The following ADCYAP1R1 variants were observed in gnomAD, a reference collection of about 807,000 sequenced individuals.
ADCYAP1R1 encodes ADCYAP receptor type I.
A neutral mutation model predicts 67.6 loss-of-function variants in ADCYAP1R1; 44 were observed. That is an observed-to-expected ratio of 0.65 (90% CI 0.51 to 0.84). ADCYAP1R1 has a LOEUF of 0.84. ADCYAP1R1 is among the 40% of genes least tolerant of loss of function. ADCYAP1R1 has a pLI of 0.00. For missense variants in ADCYAP1R1, 477 were observed against 587.9 expected (o/e 0.81, Z 1.95); for synonymous variants, 222 against 219.6 (o/e 1.01, Z -0.10).
Position 31,106,460 on chromosome 7 carries a change from C to T in ADCYAP1R1, c.1219-36C>T, listed in dbSNP as rs778384849. On this transcript the variant is annotated intron_variant, in intron 15 of 15. Coordinates refer to ENST00000304166, the MANE Select transcript of ADCYAP1R1 (RefSeq NM_001118.5). ...AGGGCCTGGAGGCTGCAGAGGATGT[C>T]CATCTGGAAGTGACCGCCCAGTTTG... The T allele has an allele frequency of 2.6e-6, 4 of 1,568,228 alleles. No individual in the cohort carries two copies. The South Asian group carries it at 4.9e-5, about 19-fold the overall frequency.
rs1275663866 is a variant in ADCYAP1R1, at chr7:31,081,187, G to A, written c.287-526G>A. Among the ~76,000 whole-genome samples the A allele has an allele frequency of 3.9e-5, 6 of 152,208 alleles. No individual in the cohort carries two copies. In the East Asian group the frequency reaches 9.7e-4, roughly 25 times the overall value. On this transcript the variant is annotated intron_variant, in intron 5 of 15. Transcript: ENST00000304166. ...AATGGGGTCTCATTGCTAACAGGGG[G>A]TTTGGCATAAGAAAAGGGTGGAAAT... is the stretch of plus-strand genomic sequence containing the variant.
chr7:31,060,192 C>G (rs1794438630), intron 1 of ADCYAP1R1, among the ~76,000 whole-genome samples: 1 of 152,160 alleles, frequency 6.6e-6, no homozygotes, highest in Non-Finnish European at 1.5e-5. Context: ...CTTCCCACAG[C>G]AGGGGCGAGG....
intron 15 of ADCYAP1R1, among the ~76,000 whole-genome samples, chr7:31,105,776 G>A (rs1796617074): frequency 6.6e-6 from 1 of 152,248 alleles, no homozygotes. Flanking sequence ...AAGTGGGCAT[G>A]TATGTAGCTT....
At chr7:31,074,811 C>T (rs773806538) in intron 3 of ADCYAP1R1, among the ~76,000 whole-genome samples, 2 of 152,260 alleles carry the variant, frequency 1.3e-5, no homozygotes, top group Non-Finnish European at 2.9e-5. Context: ...TGATACCCAG[C>T]TCCCCTCATC....
intron 13 of ADCYAP1R1, chr7:31,095,882 C>T (rs552301651): frequency 2.1e-5 from 13 of 626,882 alleles, no homozygotes; most frequent in African/African-American, 7.3e-5. Context: ...CTGAGCCACT[C>T]GTCCTCTCTG....
rs1228606836 is a variant in ADCYAP1R1, at chr7:31,109,279, T to G, written c.*2595T>G. ...CTCAATGTTCCAAGAGGTTCTGGCCTTCAGGGTCACAGGCAGTAGGGGGAC... is the reference window on the plus strand; with the variant it reads ...CTCAATGTTCCAAGAGGTTCTGGCCGTCAGGGTCACAGGCAGTAGGGGGAC... On this transcript the variant is annotated 3_prime_UTR_variant, in exon 16 of 16. Transcript: ENST00000304166. 3 of 152,222 alleles carry G rather than the reference T, an allele frequency of 2.0e-5. No individual in the cohort carries two copies. Among genetic ancestry groups the G allele is most frequent in the African/African-American group, 7.2e-5 (3 of 41,442 alleles). 9.4% of individuals were successfully genotyped at this position (152,222 alleles called of 1,614,324 possible). A position where few individuals can be genotyped will look rare whatever the true frequency, so the allele number is the denominator to read the frequency against.
chr7:31,068,407 G>A (rs557852479), intron 3 of ADCYAP1R1, among the ~76,000 whole-genome samples: 1 of 152,288 alleles, frequency 6.6e-6, no homozygotes, highest in South Asian at 2.1e-4. Flanking sequence ...TGGTTCTGGA[G>A]TCCGTGCCTT....
intron 3 of ADCYAP1R1, among the ~76,000 whole-genome samples, chr7:31,077,496 G>C (rs1021064046): frequency 2.2e-5 from 3 of 133,778 alleles, no homozygotes; most frequent in Non-Finnish European, 4.8e-5. Context: ...TGTGTGTGTA[G>C]TGTATGTGGT....
At chr7:31,069,403 T>C (rs1436155638) in intron 3 of ADCYAP1R1, among the ~76,000 whole-genome samples, 1 of 152,236 alleles carries the variant, frequency 6.6e-6, no homozygotes, top group East Asian at 1.9e-4. Context: ...CTGATGTCCT[T>C]GAAACACACT....
At chr7:31,059,896 C>T (rs1030696252) in intron 1 of ADCYAP1R1, among the ~76,000 whole-genome samples, 1 of 150,032 alleles carries the variant, frequency 6.7e-6, no homozygotes, top group Non-Finnish European at 1.5e-5. Context: ...CTCTCCTCCT[C>T]TTTGCTGGCG....
At position 31,069,518 on chromosome 7, in the gene ADCYAP1R1, T is replaced by G. The variant is rs187437239; in HGVS notation, c.157+4582T>G. ...TACTTGTATATATTTTGTGTGTCTCTCATAATTTTTTAAATCTAGTAATAT... is the reference window on the plus strand; with the variant it reads ...TACTTGTATATATTTTGTGTGTCTCGCATAATTTTTTAAATCTAGTAATAT... On this transcript the variant is annotated intron_variant, in intron 3 of 15. Transcript: ENST00000304166. Among the ~76,000 whole-genome samples the G allele has an allele frequency of 2.2e-3, 333 of 152,338 alleles. 3 individuals carry two copies. Among genetic ancestry groups the G allele is most frequent in the Middle Eastern group, 6.8e-3 (2 of 294 alleles).
rs140247897 is a variant in ADCYAP1R1, at chr7:31,090,899, T to C, written c.955-1745T>C. On this transcript the variant is annotated intron_variant, in intron 12 of 15. Coordinates refer to ENST00000304166, the MANE Select transcript of ADCYAP1R1 (RefSeq NM_001118.5). Reference sequence around the variant, plus strand: ...GAACATACCAATGCGTGTGTCTTTTTTGTAGAATGATATATTTTCCTTTGG... The same window carrying C: ...GAACATACCAATGCGTGTGTCTTTTCTGTAGAATGATATATTTTCCTTTGG... Among the ~76,000 whole-genome samples, 660 of 152,340 alleles carry C rather than the reference T, an allele frequency of 4.3e-3. 9 individuals carry two copies. Among genetic ancestry groups the C allele is most frequent in the African/African-American group, 0.015 (611 of 41,554 alleles).
chr7:31,101,775 C>T (rs902327158), intron 13 of ADCYAP1R1, among the ~76,000 whole-genome samples: 1 of 152,310 alleles, frequency 6.6e-6, no homozygotes, highest in Non-Finnish European at 1.5e-5. Context: ...GAGGCACCAC[C>T]CCCACCTTCA....
chr7:31,104,764 G>A lies in ADCYAP1R1; in HGVS notation c.1177-104G>A, dbSNP rs573759946. On this transcript the variant is annotated intron_variant, in intron 14 of 15. Coordinates refer to ENST00000304166, the MANE Select transcript of ADCYAP1R1 (RefSeq NM_001118.5). The stretch of plus-strand genomic sequence containing the variant: ...TCCCTGGGCAGGTGCCCCCATCCAG[G>A]TCATGGTGTATTTCTGCTTCCTAGA... 4.0e-5 allele frequency: 53 copies of A among 1,318,016 alleles called. 1 individual carries two copies. The East Asian group carries it at 1.2e-3, about 29-fold the overall frequency. The allele number at this position is 1,318,016 out of a possible 1,614,324, so 81.6% of individuals were successfully genotyped here.
chr7:31,075,901 C>A (rs1023727394), intron 3 of ADCYAP1R1, among the ~76,000 whole-genome samples: 1 of 152,104 alleles, frequency 6.6e-6, no homozygotes, highest in Non-Finnish European at 1.5e-5. Context: ...CAAGGTAAAA[C>A]CAGCAAGGGC....
At chr7:31,100,626 C>T (rs548193814) in intron 13 of ADCYAP1R1, among the ~76,000 whole-genome samples, 7 of 152,310 alleles carry the variant, frequency 4.6e-5, no homozygotes, top group African/African-American at 1.7e-4. Context: ...GTCCACAGCA[C>T]TTTGTGTGTG....
intron 8 of ADCYAP1R1, 69 bp downstream of exon 8, chr7:31,084,903 C>A: frequency 1.5e-6 from 2 of 1,366,038 alleles, no homozygotes; most frequent in Non-Finnish European, 2.1e-6. Context: ...TGGTGCATCT[C>A]TCCCCTCCCC....
At chr7:31,088,091 T>C (rs1285882088) in intron 12 of ADCYAP1R1, among the ~76,000 whole-genome samples, 1 of 152,238 alleles carries the variant, frequency 6.6e-6, no homozygotes, top group Admixed American at 6.5e-5. Context: ...CATTTCATTG[T>C]CTACGCTTAA....
At chr7:31,094,045 G>T (rs1277394985) in intron 13 of ADCYAP1R1, among the ~76,000 whole-genome samples, 2 of 152,144 alleles carry the variant, frequency 1.3e-5, no homozygotes, top group African/African-American at 4.8e-5. Flanking sequence ...CCTCAGGGGT[G>T]GGGGACTAGC....
Sources: gnomAD v4.1 joint callset for allele counts (sites outside exome capture counted in the v4.1 genomes callset) on GRCh38, gnomAD v4.1.1 for gene constraint, MANE v1.5 for transcripts, NCBI Gene and HGNC (gene_info 2026-07-23, HGNC 2026-07-21) for gene names.